STXBP4: variants seen among roughly 807,000 people sequenced by gnomAD.
STXBP4 encodes syntaxin-binding protein 4.
STXBP4 carries 55 observed loss-of-function variants against 76.1 expected under a neutral mutation model. The ratio of observed to expected loss-of-function variants is 0.72; its 90% CI spans 0.58 to 0.91. The LOEUF (loss-of-function observed/expected upper bound fraction) is 0.91, where lower values mean the gene tolerates loss of function less well. Ranked by LOEUF, STXBP4 falls within the 40% of genes least tolerant of loss-of-function variation. STXBP4 has a pLI of 0.00. For missense variants in STXBP4, 618 were observed against 636.9 expected (o/e 0.97, Z 0.32); for synonymous variants, 201 against 220.2 (o/e 0.91, Z 0.77).
intron 7 of STXBP4, 146 bp downstream of exon 7, chr17:55,001,029 C>T (rs1300625070): frequency 1.8e-6 from 1 of 569,176 alleles, no homozygotes; most frequent in East Asian, 3.1e-5. Flanking sequence ...AATGTCTTTC[C>T]GTTGGGCCCT....
At chr17:55,144,581 G>T (rs1384634688) in intron 17 of STXBP4, among the ~76,000 whole-genome samples, 3 of 152,040 alleles carry the variant, frequency 2.0e-5, no homozygotes, top group African/African-American at 7.3e-5. Flanking sequence ...CATTCTCTTT[G>T]CCCACTCTCC....
intron 1 of STXBP4, among the ~76,000 whole-genome samples, chr17:54,973,060 G>C (rs12601799): frequency 1.3e-5 from 2 of 152,208 alleles, no homozygotes; most frequent in Non-Finnish European, 1.5e-5. Context: ...AGACATTTTA[G>C]AAAGGGTAGG....
chr17:55,058,544 C>CA (rs767470836), intron 12 of STXBP4, among the ~76,000 whole-genome samples: 1 of 152,034 alleles, frequency 6.6e-6, no homozygotes, highest in Non-Finnish European at 1.5e-5. Context: ...TTTTAGGCTG[C>CA]AAATCAACAT....
chr17:55,136,025 T>C (rs1397326307), intron 16 of STXBP4, among the ~76,000 whole-genome samples: 4 of 152,168 alleles, frequency 2.6e-5, no homozygotes, highest in African/African-American at 9.6e-5. Flanking sequence ...GGACAAGTTA[T>C]TTAAACTTCT....
chr17:55,126,817 C>T (rs244333), intron 16 of STXBP4, among the ~76,000 whole-genome samples: 98,282 of 151,866 alleles, frequency 0.65, 32,786 homozygotes, highest in African/African-American at 0.82. Context: ...AAAGCAGAGA[C>T]GAAAAGAAGT....
At chr17:55,061,975 C>T (rs1028275721) in intron 12 of STXBP4, among the ~76,000 whole-genome samples, 8 of 152,108 alleles carry the variant, frequency 5.3e-5, no homozygotes, top group Non-Finnish European at 1.5e-5. Flanking sequence ...CTATACATGC[C>T]TGTAATCCCA....
At chr17:55,084,278 T>G (rs2079294920) in intron 16 of STXBP4, among the ~76,000 whole-genome samples, 1 of 152,228 alleles carries the variant, frequency 6.6e-6, no homozygotes, top group African/African-American at 2.4e-5. Flanking sequence ...ATAAATGTCT[T>G]CTTTAGAGAA....
At position 55,042,107 on chromosome 17, in the gene STXBP4, C is replaced by T. The variant is rs146928081; in HGVS notation, c.856-1129C>T. Among the ~76,000 whole-genome samples, 353 of 152,236 alleles carry T rather than the reference C, an allele frequency of 2.3e-3. 2 individuals carry two copies. Among genetic ancestry groups the T allele is most frequent in the East Asian group, 0.019 (100 of 5,174 alleles). On this transcript the variant is annotated intron_variant, in intron 10 of 17. Coordinates refer to ENST00000376352, the MANE Select transcript of STXBP4 (RefSeq NM_178509.6). ...CCAGTGATCTTCAGGGAAATAAGTT[C>T]TCCCCAAATATGAAGAATAATTCCT...
the STXBP4 span, among the ~76,000 whole-genome samples, chr17:55,187,908 A>C: frequency 6.6e-6 from 1 of 152,194 alleles, no homozygotes; most frequent in Non-Finnish European, 1.5e-5. Flanking sequence ...GAAAGCTTAA[A>C]CCATAGCAAC....
chr17:55,188,188 A>C, the STXBP4 span, among the ~76,000 whole-genome samples: 26 of 152,330 alleles, frequency 1.7e-4, no homozygotes, highest in South Asian at 6.2e-4. Flanking sequence ...TAATGAAATA[A>C]ATAATCAACT....
chr17:55,048,563 A>G (rs1311481019), intron 12 of STXBP4, among the ~76,000 whole-genome samples: 2 of 151,880 alleles, frequency 1.3e-5, no homozygotes, highest in Non-Finnish European at 2.9e-5. Context: ...CATTTGGGCT[A>G]TGAAAAACAC....
intron 8 of STXBP4, among the ~76,000 whole-genome samples, chr17:55,019,814 C>T (rs544789421): frequency 6.6e-6 from 1 of 152,110 alleles, no homozygotes; most frequent in Non-Finnish European, 1.5e-5. Context: ...CAGTTATCGT[C>T]TCTAAGATTT....
At chr17:55,066,668 T>C in intron 12 of STXBP4, among the ~76,000 whole-genome samples, 1 of 152,206 alleles carries the variant, frequency 6.6e-6, no homozygotes, top group Middle Eastern at 3.2e-3. Context: ...CTTAGTCTTA[T>C]TTGCTTGATA....
chr17:55,019,151 ATATAGTTTGAAGTAT>A (rs2144615533), intron 8 of STXBP4, among the ~76,000 whole-genome samples: 1 of 152,292 alleles, frequency 6.6e-6, no homozygotes, highest in Admixed American at 6.5e-5. Context: ...CTACATTATA[ATATAGTTTGAAGTAT>A]TTCTACCATC....
chr17:55,021,837 A>T (rs2078318371), intron 8 of STXBP4, among the ~76,000 whole-genome samples: 1 of 152,222 alleles, frequency 6.6e-6, no homozygotes, highest in African/African-American at 2.4e-5. Flanking sequence ...TTATCAAACG[A>T]AAATGACTCA....
At chr17:55,042,842 A>G (rs66704361) in intron 10 of STXBP4, among the ~76,000 whole-genome samples, 35,575 of 152,056 alleles carry the variant, frequency 0.23, 4,642 homozygotes, top group South Asian at 0.31. Context: ...CATCTGATTT[A>G]TAATGTACAG....
At chr17:55,019,345 T>C (rs927749944) in intron 8 of STXBP4, among the ~76,000 whole-genome samples, 3 of 152,198 alleles carry the variant, frequency 2.0e-5, no homozygotes, top group Non-Finnish European at 4.4e-5. Flanking sequence ...CTTTTAGTGA[T>C]TTCCTTAAGA....
the STXBP4 span, among the ~76,000 whole-genome samples, chr17:55,212,539 T>C: frequency 3.3e-5 from 5 of 152,366 alleles, no homozygotes; most frequent in African/African-American, 1.2e-4. Flanking sequence ...AAATATGGAA[T>C]GTCTCAATTT....
chr17:55,185,332 C>A, the STXBP4 span, among the ~76,000 whole-genome samples: 1 of 123,286 alleles, frequency 8.1e-6, no homozygotes, highest in African/African-American at 3.1e-5. Flanking sequence ...TCCTTCTCCT[C>A]CTCCTCCTCC....
Sources: gnomAD v4.1 joint callset for allele counts (sites outside exome capture counted in the v4.1 genomes callset) on GRCh38, gnomAD v4.1.1 for gene constraint, MANE v1.5 for transcripts, NCBI Gene and HGNC (gene_info 2026-07-23, HGNC 2026-07-21) for gene names.